TAF3: variants seen among roughly 807,000 people sequenced by gnomAD.
TAF3 encodes transcription initiation factor TFIID subunit 3.
TAF3 carries 7 observed loss-of-function variants against 80.6 expected under a neutral mutation model. The ratio of observed to expected loss-of-function variants is 0.09; its 90% CI spans 0.05 to 0.16. The LOEUF (loss-of-function observed/expected upper bound fraction) is 0.16. Among genes scored for constraint, TAF3 ranks in the 10% least tolerant of loss-of-function variants. The pLI, the probability that TAF3 is intolerant of heterozygous loss-of-function variation, is 1.00. For synonymous variants in TAF3, 444 were observed against 446.1 expected (o/e 1.00, Z 0.06); for missense variants, 921 against 1,140.2 (o/e 0.81, Z 2.77).
chr10:7,895,948 G>A (rs184344728), intron 2 of TAF3, among the ~76,000 whole-genome samples: 8 of 152,122 alleles, frequency 5.3e-5, no homozygotes, highest in South Asian at 4.1e-4. Flanking sequence ...CTGACCATGC[G>A]GGGGTGGAAA....
chr10:7,990,719 A>G (rs1831825581), intron 4 of TAF3, among the ~76,000 whole-genome samples: 1 of 152,158 alleles, frequency 6.6e-6, no homozygotes, highest in Non-Finnish European at 1.5e-5. Context: ...GAGATTCCCC[A>G]TCAGTTCAAA....
chr10:7,902,481 C>G (rs931864708), intron 2 of TAF3, among the ~76,000 whole-genome samples: 2 of 151,966 alleles, frequency 1.3e-5, no homozygotes, highest in African/African-American at 4.8e-5. Context: ...GAGTCCGGGC[C>G]AATATTGACT....
chr10:7,910,146 G>A (rs1837644338), intron 2 of TAF3, among the ~76,000 whole-genome samples: 1 of 152,154 alleles, frequency 6.6e-6, no homozygotes. Flanking sequence ...TGCACAGCCT[G>A]TAGGTAGGGT....
chr10:7,820,019 A>C (rs7098551), intron 1 of TAF3, among the ~76,000 whole-genome samples: 3,243 of 152,256 alleles, frequency 0.021, 66 homozygotes, highest in Middle Eastern at 0.051. Context: ...TCCCTTTGTG[A>C]GCTAGCATTT....
At position 7,824,452 on chromosome 10, in the gene TAF3, G is replaced by C. The variant is rs746431450; in HGVS notation, c.301G>C (p.Val101Leu). Residue 101 changes from valine to leucine, a missense_variant, in exon 2 of 7, where the codon GTT becomes CTT. Val to Leu is a conservative substitution (Grantham distance 32). Around this residue, in one of 6 missense-constraint regions of TAF3, gnomAD observed 106 missense variants for 191.8 expected, o/e 0.55. Coordinates refer to ENST00000344293, the MANE Select transcript of TAF3 (RefSeq NM_031923.4). The part of the protein sequence containing the change: ...TFPHQIPSFP[V>L]SKNNVLQFPQ... ...CCCACACCAAATTCCGTCATTTCCT[G>C]TTAGCAAGAACAATGTACTTCAGTT... The C allele has an allele frequency of 6.2e-7, 1 of 1,614,052 alleles. No individual in the cohort carries two copies. The highest frequency in any genetic ancestry group is 8.5e-7 in the Non-Finnish European group (1 of 1,180,018).
chr10:7,878,585 G>T (rs896009879), intron 2 of TAF3, among the ~76,000 whole-genome samples: 3 of 152,204 alleles, frequency 2.0e-5, no homozygotes, highest in Middle Eastern at 3.4e-3. Flanking sequence ...TTTAACAAGG[G>T]TATTTAAATC....
chr10:7,965,049 C>G lies in TAF3; in HGVS notation c.1539C>G (p.Thr513=), dbSNP rs3824659. The change falls in exon 3 of 7, where the codon ACC becomes ACG. Residue 513 remains threonine, a synonymous_variant. Coordinates refer to ENST00000344293, the MANE Select transcript of TAF3 (RefSeq NM_031923.4). The part of the protein sequence containing the change: ...EPLHKVYEEK[T]KLPSSVEVKK... ...TCCACAAGGTGTATGAGGAGAAAACCAAGCTGCCTTCCTCCGTGGAGGTAA... is the reference window on the plus strand; with the variant it reads ...TCCACAAGGTGTATGAGGAGAAAACGAAGCTGCCTTCCTCCGTGGAGGTAA... 1.7e-4 allele frequency: 280 copies of G among 1,614,036 alleles called. 6 individuals are homozygous for G. In the East Asian group the frequency reaches 6.1e-3, roughly 35 times the overall value.
At chr10:7,914,685 C>T (rs1271993479) in intron 2 of TAF3, among the ~76,000 whole-genome samples, 5 of 152,110 alleles carry the variant, frequency 3.3e-5, no homozygotes, top group East Asian at 3.8e-4. Flanking sequence ...CTAGTTTCTT[C>T]GTATACCTTT....
In TAF3 at chr10:7,838,539, G is replaced by A. The variant is rs140071584; in HGVS notation, c.409+13979G>A. Among the ~76,000 whole-genome samples the A allele has an allele frequency of 3.7e-3, 556 of 152,114 alleles. 5 individuals carry two copies. The highest frequency in any genetic ancestry group is 0.013 in the African/African-American group (526 of 41,490). On this transcript the variant is annotated intron_variant, in intron 2 of 6. Coordinates refer to ENST00000344293, the MANE Select transcript of TAF3 (RefSeq NM_031923.4). The stretch of plus-strand genomic sequence containing the variant: ...TGAAATTACAGGTGTGCACCACCAC[G>A]CCTGGCTAATTTTTGTAATTTTTGT...
intron 5 of TAF3, among the ~76,000 whole-genome samples, chr10:8,010,364 A>G (rs558717507): frequency 6.6e-6 from 1 of 152,332 alleles, no homozygotes; most frequent in South Asian, 2.1e-4. Flanking sequence ...CAGTAATATC[A>G]ATCTGTAAAT....
At chr10:7,966,722 C>T (rs1047596013) in intron 3 of TAF3, among the ~76,000 whole-genome samples, 10 of 152,174 alleles carry the variant, frequency 6.6e-5, no homozygotes, top group African/African-American at 2.4e-4. Flanking sequence ...ATTTGACCTG[C>T]AGCAGATATA....
intron 2 of TAF3, among the ~76,000 whole-genome samples, chr10:7,951,715 C>G (rs1216693015): frequency 6.6e-6 from 1 of 152,158 alleles, no homozygotes; most frequent in Non-Finnish European, 1.5e-5. Flanking sequence ...CATACTAAGT[C>G]GTTTATATAC....
chr10:7,970,673 G>T (rs970162717), intron 3 of TAF3, among the ~76,000 whole-genome samples: 1 of 152,186 alleles, frequency 6.6e-6, no homozygotes, highest in Non-Finnish European at 1.5e-5. Context: ...ATTTTAAAGA[G>T]CAGGAAAGGG....
intron 2 of TAF3, among the ~76,000 whole-genome samples, chr10:7,942,464 C>T (rs1159611999): frequency 2.0e-5 from 3 of 151,976 alleles, no homozygotes; most frequent in Admixed American, 6.6e-5. Context: ...GTTTATATGA[C>T]GTTGCTTTAT....
intron 2 of TAF3, among the ~76,000 whole-genome samples, chr10:7,886,714 A>G (rs1214665096): frequency 6.6e-6 from 1 of 152,198 alleles, no homozygotes; most frequent in Non-Finnish European, 1.5e-5. Flanking sequence ...CCTTACTCCT[A>G]ATACGCATTT....
intron 2 of TAF3, among the ~76,000 whole-genome samples, chr10:7,918,607 G>A (rs10905249): frequency 0.35 from 53,641 of 151,966 alleles, 10,586 homozygotes; most frequent in Admixed American, 0.48. Flanking sequence ...ATATAGAAGC[G>A]GATGCACCAG....
intron 2 of TAF3, among the ~76,000 whole-genome samples, chr10:7,844,154 G>A (rs1178992936): frequency 1.3e-5 from 2 of 152,122 alleles, no homozygotes; most frequent in Non-Finnish European, 2.9e-5. Flanking sequence ...TTGCCTTGAG[G>A]AAACTTACCT....
At chr10:8,014,543 G>A (rs930160546) in intron 6 of TAF3, 94 bp from the exon 7 acceptor site, 171 of 1,107,692 alleles carry the variant, frequency 1.5e-4, no homozygotes, top group Non-Finnish European at 2.0e-4. Flanking sequence ...GGGTAAACAT[G>A]TCATAGACTC....
chr10:7,907,348 C>A (rs748869666), intron 2 of TAF3, among the ~76,000 whole-genome samples: 8 of 152,150 alleles, frequency 5.3e-5, no homozygotes, highest in Non-Finnish European at 8.8e-5. Context: ...TGTTCCTATC[C>A]TTGCTGGCAG....
Sources: allele counts gnomAD v4.1 joint callset (sites outside exome capture counted in the v4.1 genomes callset), GRCh38; gene constraint gnomAD v4.1.1; regional missense constraint gnomAD v4.1.1; transcripts MANE v1.5; gene names NCBI Gene and HGNC (gene_info 2026-07-23, HGNC 2026-07-21).